Variants in PHLPP1 observed in about 807,000 individuals in gnomAD.
PHLPP1 encodes PH domain leucine-rich repeat-containing protein phosphatase 1.
In PHLPP1, 42 loss-of-function variants were observed where a neutral mutation model predicts 117.2. That is an observed-to-expected ratio of 0.36 (90% confidence interval 0.28 to 0.46). PHLPP1 has a LOEUF of 0.46. Among genes scored for constraint, PHLPP1 ranks in the 20% least tolerant of loss-of-function variants. The pLI, the probability that PHLPP1 is intolerant of heterozygous loss-of-function variation, is 1.00. For synonymous variants in PHLPP1, 1,042 were observed against 970.7 expected, an observed-to-expected ratio of 1.07 and a Z score of -1.37; for missense variants, 2,084 against 2,241.9, an observed-to-expected ratio of 0.93 and a Z score of 1.42.
At position 62,715,992 on chromosome 18, in the gene PHLPP1, C is replaced by T. The variant is rs556506288; in HGVS notation, c.309C>T (p.Ala103=). 1.9e-4 allele frequency: 256 copies of T among 1,343,816 alleles called. 2 individuals are homozygous for T. The South Asian group carries it at 4.4e-3, about 23-fold the overall frequency. The allele number at this position is 1,343,816 out of a possible 1,614,324, so 83.2% of individuals were successfully genotyped here. The part of the protein sequence containing the change: ...RRRRGAPQPI[A]GGAAPVPGAG... ...GGCGCGGGGCGCCCCAGCCCATTGC[C>T]GGCGGGGCTGCCCCCGTACCCGGGG... The change falls in exon 1 of 17, where the codon GCC becomes GCT. Residue 103 remains alanine (A), a synonymous_variant. Transcript: ENST00000262719.
At chr18:62,753,633 C>A (rs539042246) in intron 1 of PHLPP1, among the ~76,000 whole-genome samples, 277 of 152,284 alleles carry the variant, frequency 1.8e-3, no homozygotes, top group African/African-American at 6.5e-3. Context: ...TCATTAGTTA[C>A]TAAACATTGA....
At chr18:62,860,356 G>A in intron 3 of PHLPP1, 79 bp from the exon 4 acceptor site, 3 of 1,175,858 alleles carry the variant, frequency 2.6e-6, no homozygotes, top group African/African-American at 3.0e-5. Flanking sequence ...TTCCAAATTG[G>A]GATTATCTTA....
At chr18:62,766,060 C>CAAAAAAAAAAA (rs1168861892) in intron 1 of PHLPP1, among the ~76,000 whole-genome samples, 3 of 15,222 alleles carry the variant, frequency 2.0e-4, no homozygotes, top group African/African-American at 4.7e-4. Flanking sequence ...GACTCCATCT[C>CAAAAAAAAAAA]AAAAAAAAAA....
At chr18:62,951,560 A>G (rs1910458447) in intron 12 of PHLPP1, among the ~76,000 whole-genome samples, 1 of 152,282 alleles carries the variant, frequency 6.6e-6, no homozygotes, top group Non-Finnish European at 1.5e-5. Context: ...GGCAAAGGGA[A>G]GTGCACTCAC....
chr18:62,940,054 G>A (rs1910083284), intron 10 of PHLPP1, among the ~76,000 whole-genome samples: 1 of 152,078 alleles, frequency 6.6e-6, no homozygotes, highest in Non-Finnish European at 1.5e-5. Flanking sequence ...TCTAACTCTT[G>A]TAGGCAAGTG....
chr18:62,841,839 TA>T (rs1192416824), intron 3 of PHLPP1, among the ~76,000 whole-genome samples: 11 of 152,206 alleles, frequency 7.2e-5, no homozygotes, highest in Non-Finnish European at 1.2e-4. Flanking sequence ...AGATTACTGG[TA>T]TTGACTACAA....
chr18:62,781,477 G>A lies in PHLPP1; in HGVS notation c.1577-48558G>A, dbSNP rs1423932717. 4.6e-5 allele frequency among the ~76,000 whole-genome samples: 7 copies of A among 152,224 alleles called. 1 individual carries two copies. In the East Asian group the frequency reaches 9.7e-4, roughly 21 times the overall value. ...CTCTATCACTGGGCTCTCAGTTTTGGCTCCTGGCTCCACATCAGGCCTTTC... is the reference window on the plus strand; with the variant it reads ...CTCTATCACTGGGCTCTCAGTTTTGACTCCTGGCTCCACATCAGGCCTTTC... On this transcript the variant is annotated intron_variant, in intron 1 of 16. Coordinates refer to ENST00000262719, the MANE Select transcript of PHLPP1 (RefSeq NM_194449.4).
chr18:62,956,039 CAAAA>C (rs1175901758), intron 12 of PHLPP1, among the ~76,000 whole-genome samples: 2 of 151,048 alleles, frequency 1.3e-5, no homozygotes, highest in Non-Finnish European at 2.9e-5. Flanking sequence ...TTGAAAAAAA[CAAAA>C]CAAAGCAAAA....
chr18:62,977,497 G>C (rs1459790695), intron 16 of PHLPP1, among the ~76,000 whole-genome samples: 11 of 146,786 alleles, frequency 7.5e-5, no homozygotes, highest in Non-Finnish European at 1.6e-4. Context: ...TTTGGTAATT[G>C]ATTTAAATAG....
rs1416093592 is a variant in PHLPP1 at position 62,716,940 on chromosome 18, C to G, written c.1257C>G (p.Ala419=). 2 of 1,536,544 alleles carry G rather than the reference C, an allele frequency of 1.3e-6. No homozygotes were observed. Residue 419 remains alanine, a synonymous_variant, in exon 1 of 17, where the codon GCC becomes GCG. Transcript: ENST00000262719. The surrounding 1 kb of genome is among the most constrained non-coding windows in gnomAD (Gnocchi z 5.7). ...TASSPQPQQK[A]PRAIDSPGGA... is the part of the protein sequence containing the mutation. ...CCTCGCCTCAGCCGCAGCAGAAAGCCCCGAGGGCCATTGACAGCCCGGGCG... is the reference window on the plus strand; with the variant it reads ...CCTCGCCTCAGCCGCAGCAGAAAGCGCCGAGGGCCATTGACAGCCCGGGCG...
intron 14 of PHLPP1, among the ~76,000 whole-genome samples, chr18:62,967,116 GT>G (rs147145085): frequency 6.6e-6 from 1 of 152,214 alleles, no homozygotes; most frequent in Non-Finnish European, 1.5e-5. Context: ...ATTATGGTTT[GT>G]TTTTGTTTTA....
intron 1 of PHLPP1, among the ~76,000 whole-genome samples, chr18:62,725,163 A>G (rs1911032296): frequency 6.6e-6 from 1 of 152,130 alleles, no homozygotes; most frequent in Non-Finnish European, 1.5e-5. Flanking sequence ...GTTCGAGACC[A>G]GCCTGGCTAA....
At chr18:62,756,641 C>CTTT (rs894324202) in intron 1 of PHLPP1, among the ~76,000 whole-genome samples, 42 of 152,222 alleles carry the variant, frequency 2.8e-4, no homozygotes, top group African/African-American at 1.0e-3. Context: ...CTACATAACA[C>CTTT]TTTTGGAAAC....
At chr18:62,916,747 C>CTATTTTTTT (rs1909291230) in intron 9 of PHLPP1, among the ~76,000 whole-genome samples, 1 of 71,090 alleles carries the variant, frequency 1.4e-5, no homozygotes, top group Non-Finnish European at 2.4e-5. Flanking sequence ...TCCTTCTATT[C>CTATTTTTTT]TTTTTTTTTT....
In PHLPP1 at chr18:62,978,173, C is replaced by CG. The variant is rs1911249714; in HGVS notation, c.3985-88dup. 1.4e-6 allele frequency: 1 copy of CG among 707,398 alleles called. No homozygotes were observed. The highest frequency in any genetic ancestry group is 2.5e-5 in the Admixed American group (1 of 39,486). 43.8% of individuals were successfully genotyped at this position (707,398 alleles called of 1,614,324 possible). On this transcript the variant is annotated intron_variant, in intron 16 of 16. Coordinates refer to ENST00000262719, the MANE Select transcript of PHLPP1 (RefSeq NM_194449.4). The surrounding 1 kb of genome is among the most constrained non-coding windows in gnomAD (Gnocchi z 7.0). ...CAGCACTTCTCTGTGGTCCTACAGTCGAGACAGTCGAGGGACCCGCAGGGA... is the reference window on the plus strand; with the variant it reads ...CAGCACTTCTCTGTGGTCCTACAGTCGGAGACAGTCGAGGGACCCGCAGGGA...
intron 12 of PHLPP1, among the ~76,000 whole-genome samples, chr18:62,950,338 G>C (rs1052831496): frequency 6.6e-6 from 1 of 152,122 alleles, no homozygotes; most frequent in Non-Finnish European, 1.5e-5. Flanking sequence ...ATACTCTTGA[G>C]GACAATGGCT....
chr18:62,867,595 A>G (rs1259748813), intron 4 of PHLPP1, among the ~76,000 whole-genome samples: 1 of 152,104 alleles, frequency 6.6e-6, no homozygotes, highest in Non-Finnish European at 1.5e-5. Context: ...GAATTCTTAT[A>G]TTCCTCTCAG....
chr18:62,772,829 TCAAAAAAAAAAAA>T (rs1912830441), intron 1 of PHLPP1, among the ~76,000 whole-genome samples: 2 of 80,694 alleles, frequency 2.5e-5, no homozygotes, highest in African/African-American at 1.8e-4. Flanking sequence ...AGACTCTTTC[TCAAAAAAAAAAAA>T]AAAAAAAGAT....
At chr18:62,821,329 A>G (rs1914447602) in intron 1 of PHLPP1, among the ~76,000 whole-genome samples, 1 of 152,038 alleles carries the variant, frequency 6.6e-6, no homozygotes, top group Admixed American at 6.6e-5. Context: ...AAATAAATGA[A>G]ACAAAAATAA....
Sources: gnomAD v4.1 joint callset for allele counts (sites outside exome capture counted in the v4.1 genomes callset) on GRCh38, gnomAD v4.1.1 for gene constraint, Gnocchi (gnomAD v3.1) non-coding constraint, MANE v1.5 for transcripts, NCBI Gene and HGNC (gene_info 2026-07-23, HGNC 2026-07-21) for gene names.